ZNF423: variants seen among roughly 807,000 people sequenced by gnomAD.
The protein encoded by ZNF423 is Ebf-associated zinc finger protein.
A neutral mutation model predicts 95.8 loss-of-function variants in ZNF423; 12 were observed. That is an observed-to-expected ratio of 0.13 (90% CI 0.08 to 0.20). The LOEUF is 0.20. Among genes scored for constraint, ZNF423 ranks in the 10% least tolerant of loss-of-function variants. The pLI, the probability that ZNF423 is intolerant of heterozygous loss-of-function variation, is 1.00. For missense variants in ZNF423, 1,316 were observed against 1,737.1 expected (o/e 0.76, Z 4.31); for synonymous variants, 749 against 711.9 (o/e 1.05, Z -0.83).
At chr16:49,699,096 C>A (rs6500243) in intron 3 of ZNF423, among the ~76,000 whole-genome samples, 152,054 of 152,234 alleles carry the variant, frequency 1, 75,938 homozygotes, top group Non-Finnish European at 1. Flanking sequence ...AACACAATCA[C>A]CTCCTCTGCC....
At chr16:49,789,396 T>C (rs1175034760) in intron 2 of ZNF423, 91 bp downstream of exon 2, 1 of 1,300,330 alleles carries the variant, frequency 7.7e-7, no homozygotes, top group Non-Finnish European at 1.1e-6. Flanking sequence ...ACGAAGAATA[T>C]CATTTCCATA....
chr16:49,585,455 C>T (rs939672898), intron 5 of ZNF423, among the ~76,000 whole-genome samples: 56 of 152,108 alleles, frequency 3.7e-4, no homozygotes, highest in Admixed American at 3.5e-3. Flanking sequence ...ACACAGGCCT[C>T]GATGGGGGGA....
At chr16:49,823,079 G>A (rs970532089) in intron 1 of ZNF423, among the ~76,000 whole-genome samples, 7 of 152,154 alleles carry the variant, frequency 4.6e-5, no homozygotes, top group Admixed American at 6.5e-5. Context: ...GGCCCGAGTC[G>A]GGGACAAGGC....
intron 1 of ZNF423, among the ~76,000 whole-genome samples, chr16:49,840,211 A>T (rs2035168426): frequency 6.6e-6 from 1 of 152,254 alleles, no homozygotes; most frequent in African/African-American, 2.4e-5. Context: ...AACATCTCTC[A>T]GAGTCCCACG....
rs762582497 is a variant in ZNF423, at chr16:49,636,111, C to T, written c.3065G>A (p.Arg1022His). The stretch of plus-strand genomic sequence containing the variant: ...ACAGCGGAAGCCCGTGAGTGAGTTG[C>T]GCAGGTCAGGGTGCATCTGGCAGTG... ...IEHCQMHPDLRNSLTGFRCVV... is the reference protein window; with the variant it reads ...IEHCQMHPDLHNSLTGFRCVV... Residue 1022 changes from arginine to histidine, a missense_variant, in exon 4 of 8, where the codon CGC (arginine) becomes CAC (histidine). Arg to His is a conservative substitution (Grantham distance 29). Around this residue, in one of 6 missense-constraint regions of ZNF423, gnomAD observed 620 missense variants for 775.6 expected, o/e 0.80. Transcript: ENST00000563137. The surrounding 1 kb of genome is among the most constrained non-coding windows in gnomAD (Gnocchi z 8.6). The T allele has an allele frequency of 6.8e-6, 11 of 1,613,892 alleles. No homozygotes were observed. Among genetic ancestry groups the T allele is most frequent in the South Asian group, 1.1e-5 (1 of 91,082 alleles).
rs544324794 is a variant in ZNF423, at chr16:49,490,790, T to G, written c.*485A>C. 1 of 140,546 alleles carries G rather than the reference T, an allele frequency of 7.1e-6. No individual in the cohort carries two copies. The highest frequency in any genetic ancestry group is 2.8e-5 in the African/African-American group (1 of 36,292). The allele number at this position is 140,546 out of a possible 1,614,324, so 8.7% of individuals were successfully genotyped here. Reference sequence around the variant, plus strand: ...CTTTAATTAAAAAATTAAAAGGAAATATTCAGACAATAGCCAAGCAATCAC... The same window carrying G: ...CTTTAATTAAAAAATTAAAAGGAAAGATTCAGACAATAGCCAAGCAATCAC... On this transcript the variant is annotated 3_prime_UTR_variant, in exon 8 of 8. Coordinates refer to ENST00000563137, the MANE Select transcript of ZNF423 (RefSeq NM_001379286.1).
At chr16:49,689,356 G>A (rs2031691527) in intron 3 of ZNF423, among the ~76,000 whole-genome samples, 1 of 151,954 alleles carries the variant, frequency 6.6e-6, no homozygotes, top group South Asian at 2.1e-4. Context: ...TGCCCAGGAG[G>A]CTGAGTCAGG....
rs1972771725 is a variant in ZNF423 at position 49,637,402 on chromosome 16, T to C, written c.1774A>G (p.Ile592Val). 6.2e-7 allele frequency: 1 copy of C among 1,614,168 alleles called. No homozygotes were observed. Among genetic ancestry groups the C allele is most frequent in the Non-Finnish European group, 8.5e-7 (1 of 1,180,038 alleles). The change falls in exon 4 of 8, where the codon ATC becomes GTC. Residue 592 changes from isoleucine to valine, a missense_variant. Around this residue, in one of 6 missense-constraint regions of ZNF423, gnomAD observed 9 missense variants for 31.8 expected, o/e 0.28. Coordinates refer to ENST00000563137, the MANE Select transcript of ZNF423 (RefSeq NM_001379286.1). The surrounding 1 kb of genome is among the most constrained non-coding windows in gnomAD (Gnocchi z 5.6). ...FGSILKLTKH[I>V]KENHKNIPLA... is the part of the protein sequence containing the mutation. ...GGAATGTTCTTGTGGTTCTCCTTGA[T>C]GTGCTTGGTGAGTTTCAGGATGGAG...
At chr16:49,718,791 A>G (rs1261620129) in intron 3 of ZNF423, among the ~76,000 whole-genome samples, 1 of 152,026 alleles carries the variant, frequency 6.6e-6, no homozygotes, top group African/African-American at 2.4e-5. Flanking sequence ...TTGTAAGAGC[A>G]CTCATCCCAT....
intron 5 of ZNF423, among the ~76,000 whole-genome samples, chr16:49,548,625 G>A (rs1008546404): frequency 6.6e-6 from 1 of 152,218 alleles, no homozygotes; most frequent in Non-Finnish European, 1.5e-5. Context: ...AGAAAGAGAA[G>A]GGGAGAGAGA....
intron 3 of ZNF423, among the ~76,000 whole-genome samples, chr16:49,709,210 G>A (rs1183330523): frequency 3.0e-5 from 4 of 131,446 alleles, no homozygotes; most frequent in Non-Finnish European, 4.9e-5. Context: ...AGCCCTGGGG[G>A]AAAGCCAAGG....
intron 2 of ZNF423, among the ~76,000 whole-genome samples, chr16:49,785,602 CTT>C (rs766261230): frequency 2.7e-4 from 41 of 152,272 alleles, no homozygotes; most frequent in Middle Eastern, 3.4e-3. Flanking sequence ...TCTGGCTTTT[CTT>C]TTAAAACCTC....
chr16:49,572,202 A>G (rs945462656), intron 5 of ZNF423, among the ~76,000 whole-genome samples: 9 of 152,204 alleles, frequency 5.9e-5, no homozygotes, highest in East Asian at 5.8e-4. Context: ...GAAATCTGCT[A>G]TGAGCAGGAG....
chr16:49,678,138 G>A (rs1010499922), intron 3 of ZNF423, among the ~76,000 whole-genome samples: 10 of 151,956 alleles, frequency 6.6e-5, no homozygotes, highest in African/African-American at 1.9e-4. Flanking sequence ...AGCCAAGATC[G>A]CGCCACTGCA....
intron 5 of ZNF423, among the ~76,000 whole-genome samples, chr16:49,566,049 C>A (rs1248015627): frequency 2.6e-5 from 4 of 152,108 alleles, no homozygotes; most frequent in Non-Finnish European, 5.9e-5. Flanking sequence ...TTGCAAACCC[C>A]CTGGTGGTCA....
rs535349308 is a variant in ZNF423, at chr16:49,803,933, CT to C, written c.41-14388del. On this transcript the variant is annotated intron_variant, in intron 1 of 7. Coordinates refer to ENST00000563137, the MANE Select transcript of ZNF423 (RefSeq NM_001379286.1). ...ACCGGCCCAGGGCTAGGATGAGTTT[CT>C]TTTTTTTTTTTTTTTTTTTTTGACA... Among the ~76,000 whole-genome samples the C allele has an allele frequency of 2.4e-3, 258 of 109,490 alleles. 2 individuals are homozygous for C. The highest frequency in any genetic ancestry group is 9.5e-3 in the Middle Eastern group (2 of 210). 71.8% of individuals were successfully genotyped at this position (109,490 alleles called of 152,430 possible).
intron 1 of ZNF423, among the ~76,000 whole-genome samples, chr16:49,845,352 C>A (rs994813539): frequency 6.6e-6 from 1 of 151,132 alleles, no homozygotes; most frequent in African/African-American, 2.4e-5. Context: ...TGATCTGCCC[C>A]CCTCAGCCTC....
At chr16:49,545,016 C>T (rs999155728) in intron 5 of ZNF423, among the ~76,000 whole-genome samples, 1 of 152,232 alleles carries the variant, frequency 6.6e-6, no homozygotes, top group African/African-American at 2.4e-5. Flanking sequence ...GGGGCCGGTG[C>T]CGTTATTATT....
intron 2 of ZNF423, among the ~76,000 whole-genome samples, chr16:49,760,003 G>A (rs1456631032): frequency 7.8e-6 from 1 of 127,686 alleles, no homozygotes; most frequent in Non-Finnish European, 1.6e-5. Flanking sequence ...TGGGTGAATG[G>A]ATGGGTAGAT....
Sources: gnomAD v4.1 joint callset for allele counts (sites outside exome capture counted in the v4.1 genomes callset) on GRCh38, gnomAD v4.1.1 for gene constraint, gnomAD v4.1.1 regional missense constraint, Gnocchi (gnomAD v3.1) non-coding constraint, MANE v1.5 for transcripts, NCBI Gene and HGNC (gene_info 2026-07-23, HGNC 2026-07-21) for gene names.